POU2F1: variants seen among roughly 807,000 people sequenced by gnomAD.
POU2F1 encodes the protein POU domain, class 2, transcription factor 1.
POU2F1 carries 16 observed loss-of-function variants against 84.9 expected under a neutral mutation model. That is an observed-to-expected ratio of 0.19 (90% CI 0.13 to 0.29). POU2F1 has a LOEUF of 0.29. Ranked by LOEUF, POU2F1 falls within the 10% of genes least tolerant of loss-of-function variation. POU2F1 has a pLI of 1.00. For missense variants in POU2F1, 738 were observed against 942.6 expected (o/e 0.78, Z 2.84); for synonymous variants, 368 against 368.3 (o/e 1.00, Z 0.01).
intron 1 of POU2F1, among the ~76,000 whole-genome samples, chr1:167,284,025 A>G (rs1356994256): frequency 6.6e-6 from 1 of 152,148 alleles, no homozygotes; most frequent in Non-Finnish European, 1.5e-5. Context: ...ATTCTTTAAT[A>G]TTTATTTTTG....
At chr1:167,382,328 G>A (rs115438500) in intron 7 of POU2F1, among the ~76,000 whole-genome samples, 243 of 152,242 alleles carry the variant, frequency 1.6e-3, no homozygotes, top group African/African-American at 5.6e-3. Flanking sequence ...GGATGAGGGA[G>A]AGGTTACCAC....
At chr1:167,260,162 G>A (rs1651451729) in intron 1 of POU2F1, among the ~76,000 whole-genome samples, 1 of 152,222 alleles carries the variant, frequency 6.6e-6, no homozygotes, top group African/African-American at 2.4e-5. Context: ...ACAGGCGTAA[G>A]CCACTGCACC....
At chr1:167,336,375 T>G (rs1657446178) in intron 2 of POU2F1, among the ~76,000 whole-genome samples, 1 of 152,232 alleles carries the variant, frequency 6.6e-6, no homozygotes, top group South Asian at 2.1e-4. Context: ...GTTCATCCAG[T>G]AAATTGTGTA....
intron 1 of POU2F1, among the ~76,000 whole-genome samples, chr1:167,259,157 G>C (rs936101683): frequency 6.6e-6 from 1 of 152,192 alleles, no homozygotes; most frequent in African/African-American, 2.4e-5. Context: ...GTTTTATCCC[G>C]AAGGAGGCTG....
At chr1:167,266,274 C>A (rs1241845212) in intron 1 of POU2F1, among the ~76,000 whole-genome samples, 1 of 152,092 alleles carries the variant, frequency 6.6e-6, no homozygotes, top group Non-Finnish European at 1.5e-5. Context: ...CTTAATGGTA[C>A]CAAATTATCT....
At chr1:167,296,843 G>A (rs1338631499) in intron 1 of POU2F1, among the ~76,000 whole-genome samples, 2 of 152,044 alleles carry the variant, frequency 1.3e-5, no homozygotes, top group Admixed American at 6.6e-5. Context: ...TGAAATACGG[G>A]GACTGTTTGC....
chr1:167,335,981 G>A (rs1657416676), intron 2 of POU2F1, among the ~76,000 whole-genome samples: 1 of 151,728 alleles, frequency 6.6e-6, no homozygotes, highest in African/African-American at 2.4e-5. Context: ...CAACAATTTG[G>A]AAAAACTCAC....
At chr1:167,286,044 A>G (rs933089912) in intron 1 of POU2F1, among the ~76,000 whole-genome samples, 8 of 152,214 alleles carry the variant, frequency 5.3e-5, no homozygotes, top group Non-Finnish European at 1.2e-4. Flanking sequence ...GCTGGAAAAG[A>G]AGATTATGGC....
At chr1:167,363,080 A>C (rs1171331226) in intron 2 of POU2F1, among the ~76,000 whole-genome samples, 1 of 152,318 alleles carries the variant, frequency 6.6e-6, no homozygotes, top group East Asian at 1.9e-4. Flanking sequence ...GGGCACTTAA[A>C]TACTATTACC....
At chr1:167,234,316 CTAA>C (rs1232086703) in intron 1 of POU2F1, among the ~76,000 whole-genome samples, 1 of 152,208 alleles carries the variant, frequency 6.6e-6, no homozygotes, top group East Asian at 1.9e-4. Context: ...ATTATCAGAT[CTAA>C]TGTTAACTTA....
chr1:167,396,448 T>C, intron 10 of POU2F1, 21 bp downstream of exon 10: 1 of 1,603,442 alleles, frequency 6.2e-7, no homozygotes, highest in South Asian at 1.1e-5. Context: ...GTATAAGACA[T>C]TTCTTTGTCA....
Position 167,266,362 on chromosome 1 carries a change from A to G in POU2F1, c.61+45404A>G, listed in dbSNP as rs149556442. On this transcript the variant is annotated intron_variant, in intron 1 of 15. Transcript: ENST00000367866. Reference sequence around the variant, plus strand: ...TGTAATCAGGTTGGGTAGTAATTCTATTGTAAGGTGAAATTGAGATATGGC... The same window carrying G: ...TGTAATCAGGTTGGGTAGTAATTCTGTTGTAAGGTGAAATTGAGATATGGC... 7.6e-4 allele frequency among the ~76,000 whole-genome samples: 115 copies of G among 152,298 alleles called. 1 individual carries two copies. The highest frequency in any genetic ancestry group is 2.3e-3 in the African/African-American group (96 of 41,560).
At chr1:167,240,675 T>C (rs1271645579) in intron 1 of POU2F1, among the ~76,000 whole-genome samples, 2 of 152,220 alleles carry the variant, frequency 1.3e-5, no homozygotes, top group African/African-American at 4.8e-5. Context: ...CTTTTTCTTG[T>C]GCTTCTGCAT....
chr1:167,358,737 T>TTTTTTTTTGTTTTTTTTTTTTTTTTTTG (rs71097670), intron 2 of POU2F1, among the ~76,000 whole-genome samples: 1 of 88,774 alleles, frequency 1.1e-5, no homozygotes, highest in Non-Finnish European at 2.2e-5. Flanking sequence ...TTTTTTTTTT[T>TTTTTTTTTGTTTTTTTTTTTTTTTTTTG]GAGACAGGTT....
chr1:167,397,002 G>A (rs1648856850), intron 10 of POU2F1, among the ~76,000 whole-genome samples: 1 of 152,156 alleles, frequency 6.6e-6, no homozygotes, highest in Non-Finnish European at 1.5e-5. Flanking sequence ...TTGTAGATAT[G>A]AACAAAAATT....
intron 2 of POU2F1, among the ~76,000 whole-genome samples, chr1:167,353,848 C>T (rs116651840): frequency 0.016 from 2,430 of 152,334 alleles, 36 homozygotes; most frequent in Admixed American, 0.025. Flanking sequence ...CAGAAGGCTT[C>T]TGTAGGCCCA....
intron 1 of POU2F1, among the ~76,000 whole-genome samples, chr1:167,289,880 T>G (rs767934515): frequency 6.6e-6 from 1 of 152,208 alleles, no homozygotes; most frequent in Non-Finnish European, 1.5e-5. Flanking sequence ...TTTAAATATT[T>G]GCCAAATTAG....
intron 1 of POU2F1, among the ~76,000 whole-genome samples, chr1:167,312,597 T>G (rs192423371): frequency 2.5e-4 from 38 of 152,220 alleles, no homozygotes; most frequent in African/African-American, 8.9e-4. Context: ...TAAGGTTAAC[T>G]TATTATTCAA....
At chr1:167,289,403 A>G (rs1653756912) in intron 1 of POU2F1, among the ~76,000 whole-genome samples, 1 of 152,204 alleles carries the variant, frequency 6.6e-6, no homozygotes, top group South Asian at 2.1e-4. Context: ...CAGGGTTTAA[A>G]TTTAGGAGAA....
Sources: gnomAD v4.1 joint callset for allele counts (sites outside exome capture counted in the v4.1 genomes callset) on GRCh38, gnomAD v4.1.1 for gene constraint, MANE v1.5 for transcripts, NCBI Gene and HGNC (gene_info 2026-07-23, HGNC 2026-07-21) for gene names.